Variants in MED24 observed in about 807,000 individuals in gnomAD.
MED24 encodes the protein mediator of RNA polymerase II transcription subunit 24.
Under a neutral mutation model 118.8 loss-of-function variants are expected in MED24, and 74 were observed. That is an observed-to-expected ratio of 0.62 (90% CI 0.52 to 0.76). The LOEUF is 0.76. Among genes scored for constraint, MED24 ranks in the 30% least tolerant of loss-of-function variants. MED24 has a pLI of 0.00. For missense variants in MED24, 1,041 were observed against 1,278.9 expected, an observed-to-expected ratio of 0.81 and a Z score of 2.84; for synonymous variants, 521 against 523.9, an observed-to-expected ratio of 0.99 and a Z score of 0.08.
chr17:40,052,810 GTAT>G (rs1462734704), intron 3 of MED24, among the ~76,000 whole-genome samples: 1 of 152,086 alleles, frequency 6.6e-6, no homozygotes, highest in African/African-American at 2.4e-5. Flanking sequence ...AACAAATGAA[GTAT>G]TATTTTTATG....
In MED24 at chr17:40,027,940, A is replaced by C. The variant is rs1489349692; in HGVS notation, c.1416T>G (p.Asn472Lys). 5 of 1,613,868 alleles carry C rather than the reference A, an allele frequency of 3.1e-6. No individual in the cohort carries two copies. The highest frequency in any genetic ancestry group is 2.7e-5 in the African/African-American group (2 of 75,040). ...KSFARKFINL[N>K]EFTTYGSEES... ...CTTCGCTGCCATAGGTTGTGAATTC[A>C]TTCAAACTGAAAGGAATGGAGACAG... Residue 472 changes from asparagine (N) to lysine (K), a missense_variant, in exon 15 of 26, where the codon AAT becomes AAG. Asn to Lys is a moderately conservative substitution (Grantham distance 94, BLOSUM62 0). Coordinates refer to ENST00000394128, the MANE Select transcript of MED24 (RefSeq NM_014815.4).
intron 3 of MED24, among the ~76,000 whole-genome samples, chr17:40,047,293 G>T (rs943334365): frequency 2.0e-5 from 3 of 152,120 alleles, no homozygotes; most frequent in African/African-American, 4.8e-5. Flanking sequence ...CGGTAAAAGG[G>T]AACTTTCTGA....
chr17:40,030,149 C>T (rs528489131), intron 12 of MED24, among the ~76,000 whole-genome samples: 4 of 152,138 alleles, frequency 2.6e-5, no homozygotes, highest in South Asian at 2.1e-4. Flanking sequence ...CTCACCACCA[C>T]GCCTGGCTAC....
intron 20 of MED24, 147 bp from the exon 21 acceptor site, chr17:40,022,973 T>TG: frequency 3.0e-6 from 4 of 1,340,168 alleles, no homozygotes; most frequent in Non-Finnish European, 4.0e-6. Context: ...TCCCAGTCTC[T>TG]GGCCAGAGCT....
intron 3 of MED24, among the ~76,000 whole-genome samples, chr17:40,037,629 T>A (rs1984093623): frequency 6.6e-6 from 1 of 152,186 alleles, no homozygotes; most frequent in South Asian, 2.1e-4. Context: ...AAATAAAATT[T>A]GGCCAGGTGT....
In MED24 at chr17:40,035,762, C is replaced by A. The variant is rs1033491651; in HGVS notation, c.286G>T (p.Ala96Ser). The A allele has an allele frequency of 6.2e-7, 1 of 1,614,130 alleles. No homozygotes were observed. Among genetic ancestry groups the A allele is most frequent in the Non-Finnish European group, 8.5e-7 (1 of 1,180,006 alleles). Reference protein sequence around the residue: ...DDFSRDLCVQALLDIMDMFCD... With the variant: ...DDFSRDLCVQSLLDIMDMFCD... ...AACATGTCCATGATGTCCAGCAATG[C>A]CTGGACACACAGGTCCCGAGAAAAG... Residue 96 changes from alanine (A) to serine (S), a missense_variant, in exon 5 of 26, where the codon GCA (alanine) becomes TCA (serine). Ala to Ser is a moderately conservative substitution (Grantham distance 99, BLOSUM62 1). Transcript: ENST00000394128.
At chr17:40,023,108 C>G in intron 20 of MED24, 23 bp downstream of exon 20, 2 of 1,602,010 alleles carry the variant, frequency 1.2e-6, no homozygotes, top group Non-Finnish European at 1.7e-6. Context: ...CATGTCGGCC[C>G]ACAGCCACTC....
chr17:40,043,863 C>T (rs1309565692), intron 3 of MED24, among the ~76,000 whole-genome samples: 2 of 136,180 alleles, frequency 1.5e-5, no homozygotes, highest in African/African-American at 2.7e-5. Flanking sequence ...TGCAGTCCGG[C>T]CTGGGCAGAA....
At chr17:40,037,610 ATTAAAG>A (rs1984091482) in intron 3 of MED24, among the ~76,000 whole-genome samples, 1 of 152,144 alleles carries the variant, frequency 6.6e-6, no homozygotes. Flanking sequence ...ATTTAAATTA[ATTAAAG>A]TTAAATAAAA....
chr17:40,052,098 G>A (rs112555635), intron 3 of MED24, among the ~76,000 whole-genome samples: 2 of 152,092 alleles, frequency 1.3e-5, no homozygotes, highest in African/African-American at 4.8e-5. Context: ...TTCAAGACCA[G>A]CCTGGCCAAT....
intron 3 of MED24, among the ~76,000 whole-genome samples, chr17:40,047,972 C>A (rs1407601354): frequency 6.6e-6 from 1 of 152,206 alleles, no homozygotes; most frequent in Non-Finnish European, 1.5e-5. Context: ...TCAGGTGATA[C>A]ACTCGCCTCG....
At chr17:40,032,143 A>T (rs986365275) in intron 9 of MED24, 53 bp from the exon 10 acceptor site, 233 of 1,591,892 alleles carry the variant, frequency 1.5e-4, no homozygotes, top group Non-Finnish European at 1.9e-4. Flanking sequence ...TTTCTCTTTC[A>T]TCTACCCCTG....
intron 3 of MED24, among the ~76,000 whole-genome samples, chr17:40,041,107 C>T (rs1009914825): frequency 3.9e-5 from 6 of 152,122 alleles, no homozygotes; most frequent in African/African-American, 1.2e-4. Context: ...GACTATTCAA[C>T]GCACTCCAAT....
At chr17:40,031,132 G>T in intron 12 of MED24, 27 bp downstream of exon 12, 1 of 1,548,828 alleles carries the variant, frequency 6.5e-7, no homozygotes, top group Non-Finnish European at 8.7e-7. Context: ...GGGGCTCTTG[G>T]GGTAGCACAG....
At position 40,027,975 on chromosome 17, in the gene MED24, A is replaced by AC. The variant is rs1425688498; in HGVS notation, c.1410-30dup. On this transcript the variant is annotated intron_variant, in intron 14 of 25. Coordinates refer to ENST00000394128, the MANE Select transcript of MED24 (RefSeq NM_014815.4). ...AAAGGAATGGAGACAGGCTGCATTG[A>AC]CCAGGGCATGAGCTGAGCAGTAGCT... The AC allele has an allele frequency of 5.6e-6, 9 of 1,612,632 alleles. No homozygotes were observed. The Admixed American group carries it at 1.5e-4, about 27-fold the overall frequency.
At chr17:40,028,356 C>T (rs368323481) in intron 14 of MED24, among the ~76,000 whole-genome samples, 7 of 152,114 alleles carry the variant, frequency 4.6e-5, no homozygotes, top group Admixed American at 2.0e-4. Flanking sequence ...TCAGGTGATC[C>T]GCCCACCTTG....
chr17:40,049,226 C>G lies in MED24; in HGVS notation c.213+4072G>C, dbSNP rs540461251. 3.9e-5 allele frequency among the ~76,000 whole-genome samples: 6 copies of G among 152,228 alleles called. No homozygotes were observed. In the South Asian group the frequency reaches 1.2e-3, roughly 32 times the overall value. Reference sequence around the variant, plus strand: ...GAGAAAAAAGAAAAGAAAAAGGGGTCCTGAGAGCAAACTCCTTTTCTCTAG... The same window carrying G: ...GAGAAAAAAGAAAAGAAAAAGGGGTGCTGAGAGCAAACTCCTTTTCTCTAG... On this transcript the variant is annotated intron_variant, in intron 3 of 25. Transcript: ENST00000394128.
At chr17:40,031,931 C>A (rs1197648215) in intron 10 of MED24, 112 bp downstream of exon 10, 5 of 1,260,546 alleles carry the variant, frequency 4.0e-6, no homozygotes, top group Non-Finnish European at 4.5e-6. Flanking sequence ...GAGGTGTACA[C>A]TCACATCCGG....
intron 19 of MED24, 129 bp from the exon 20 acceptor site, chr17:40,023,524 T>A: frequency 1.1e-6 from 1 of 929,836 alleles, no homozygotes. Context: ...ATTAACCCAG[T>A]TTTGCGCTGG....
Sources: allele counts gnomAD v4.1 joint callset (sites outside exome capture counted in the v4.1 genomes callset), GRCh38; gene constraint gnomAD v4.1.1; transcripts MANE v1.5; gene names NCBI Gene and HGNC (gene_info 2026-07-23, HGNC 2026-07-21).